Variants in GRK5 observed in about 807,000 individuals in gnomAD.
GRK5 encodes the protein G protein-coupled receptor kinase 5.
In GRK5, 40 loss-of-function variants were observed where a neutral mutation model predicts 78.4. The ratio of observed to expected loss-of-function variants is 0.51; its 90% CI spans 0.40 to 0.66. GRK5 has a LOEUF of 0.66. Ranked by LOEUF, GRK5 falls within the 30% of genes least tolerant of loss-of-function variation. The pLI, the probability that GRK5 is intolerant of heterozygous loss-of-function variation, is 0.00. For missense variants in GRK5, 598 were observed against 759.9 expected, an observed-to-expected ratio of 0.79 and a Z score of 2.50; for synonymous variants, 289 against 296.8, an observed-to-expected ratio of 0.97 and a Z score of 0.27.
At chr10:119,340,497 C>T (rs1012359181) in intron 2 of GRK5, among the ~76,000 whole-genome samples, 2 of 152,184 alleles carry the variant, frequency 1.3e-5, no homozygotes, top group Admixed American at 6.5e-5. Flanking sequence ...ATTTCCAAAA[C>T]AATTTTAAAA....
chr10:119,294,458 C>T (rs1264943448), intron 1 of GRK5, among the ~76,000 whole-genome samples: 3 of 152,184 alleles, frequency 2.0e-5, no homozygotes, highest in African/African-American at 7.2e-5. Flanking sequence ...CCTGACCCAA[C>T]CTGCCGCCAG....
chr10:119,211,374 TA>T (rs1848483887), intron 1 of GRK5: 3 of 152,226 alleles, frequency 2.0e-5, no homozygotes, highest in Admixed American at 2.0e-4. Flanking sequence ...GCAGGCGACC[TA>T]ATGTTGAAAT....
chr10:119,406,339 C>A, intron 4 of GRK5: 1 of 355,830 alleles, frequency 2.8e-6, no homozygotes, highest in Non-Finnish European at 3.9e-6. Flanking sequence ...GACTGGGAGT[C>A]AGGCTCATTC....
intron 1 of GRK5, among the ~76,000 whole-genome samples, chr10:119,218,895 G>A (rs1848618138): frequency 6.7e-6 from 1 of 150,218 alleles, no homozygotes; most frequent in African/African-American, 2.5e-5. Context: ...TCCAAAATCT[G>A]AAACTTTTTT....
Position 119,290,359 on chromosome 10 carries a change from AAAAAC to A in GRK5, c.53-36152_53-36148del, listed in dbSNP as rs1223237653. On this transcript the variant is annotated intron_variant, in intron 1 of 15. Transcript: ENST00000392870. ...GAGATTCCGTCTCAAAAAAAAAAAA[AAAAAC>A]AAAAAACAACTCTGTCCCCTTCTCC... is the stretch of plus-strand genomic sequence containing the variant. Among the ~76,000 whole-genome samples, 1,052 of 142,538 alleles carry A rather than the reference AAAAAC, an allele frequency of 7.4e-3. 19 individuals are homozygous for A. The highest frequency in any genetic ancestry group is 0.027 in the African/African-American group (980 of 36,850). The allele number at this position is 142,538 out of a possible 152,430, so 93.5% of individuals were successfully genotyped here. A position where few individuals can be genotyped will look rare whatever the true frequency, so the allele number is the denominator to read the frequency against.
At chr10:119,381,578 T>C (rs1453274443) in intron 3 of GRK5, among the ~76,000 whole-genome samples, 1 of 152,258 alleles carries the variant, frequency 6.6e-6, no homozygotes, top group Non-Finnish European at 1.5e-5. Context: ...ATTGATTGCA[T>C]GGGCTTTTAA....
chr10:119,268,624 T>C (rs917489120), intron 1 of GRK5, among the ~76,000 whole-genome samples: 15 of 152,198 alleles, frequency 9.9e-5, no homozygotes, highest in African/African-American at 3.6e-4. Context: ...ATGGGTACGA[T>C]AATAGGGTTG....
chr10:119,286,213 G>C (rs1849844560), intron 1 of GRK5, among the ~76,000 whole-genome samples: 1 of 152,150 alleles, frequency 6.6e-6, no homozygotes, highest in Admixed American at 6.5e-5. Context: ...TGAACACCCT[G>C]TACCCTGCAG....
chr10:119,328,189 G>A (rs559586374), intron 2 of GRK5, among the ~76,000 whole-genome samples: 11 of 152,348 alleles, frequency 7.2e-5, no homozygotes, highest in South Asian at 4.1e-4. Context: ...TGCCGTGGAT[G>A]CCGTGTGCAC....
At chr10:119,328,025 G>A (rs1850708710) in intron 2 of GRK5, among the ~76,000 whole-genome samples, 1 of 152,226 alleles carries the variant, frequency 6.6e-6, no homozygotes, top group South Asian at 2.1e-4. Flanking sequence ...TTCCCCAGCT[G>A]TAACACTGTC....
At chr10:119,366,321 G>A (rs1158489585) in intron 2 of GRK5, among the ~76,000 whole-genome samples, 1 of 152,142 alleles carries the variant, frequency 6.6e-6, no homozygotes, top group African/African-American at 2.4e-5. Flanking sequence ...CCTCATAAGT[G>A]TCCAGACTGT....
intron 1 of GRK5, among the ~76,000 whole-genome samples, chr10:119,307,864 A>T (rs557504287): frequency 3.3e-5 from 5 of 152,178 alleles, no homozygotes; most frequent in Admixed American, 2.6e-4. Context: ...CCATTTCACA[A>T]TTCAAGAAGC....
intron 3 of GRK5, among the ~76,000 whole-genome samples, chr10:119,394,452 TTA>T (rs1491533625): frequency 9.8e-4 from 1 of 1,020 alleles, no homozygotes; most frequent in African/African-American, 2.6e-3. Context: ...GTGTATCTGC[TTA>T]GTGGGCACGT....
At chr10:119,261,046 A>C (rs1450601286) in intron 1 of GRK5, among the ~76,000 whole-genome samples, 11 of 86,242 alleles carry the variant, frequency 1.3e-4, no homozygotes, top group Middle Eastern at 7.0e-3. Flanking sequence ...TGACCCCCCC[A>C]CCTCCCTCCC....
chr10:119,278,505 G>A (rs545473942), intron 1 of GRK5, among the ~76,000 whole-genome samples: 28 of 152,152 alleles, frequency 1.8e-4, no homozygotes, highest in African/African-American at 5.8e-4. Context: ...TGAAAGCTTC[G>A]ATGCCTCAGG....
At chr10:119,312,644 A>G (rs1033357142) in intron 1 of GRK5, among the ~76,000 whole-genome samples, 1 of 152,014 alleles carries the variant, frequency 6.6e-6, no homozygotes, top group African/African-American at 2.4e-5. Context: ...TAGAGGTGAG[A>G]GTGGGAGGAG....
At chr10:119,230,474 C>T (rs1165075323) in intron 1 of GRK5, among the ~76,000 whole-genome samples, 1 of 152,094 alleles carries the variant, frequency 6.6e-6, no homozygotes, top group African/African-American at 2.4e-5. Context: ...AGGATGGCAG[C>T]AGGCAAAGAG....
intron 2 of GRK5, among the ~76,000 whole-genome samples, chr10:119,350,012 G>A (rs944498500): frequency 3.3e-5 from 5 of 152,206 alleles, no homozygotes; most frequent in African/African-American, 4.8e-5. Context: ...AAATTGCCTC[G>A]GTCACCCACT....
At chr10:119,385,545 C>G (rs570078434) in intron 3 of GRK5, among the ~76,000 whole-genome samples, 1 of 152,280 alleles carries the variant, frequency 6.6e-6, no homozygotes, top group South Asian at 2.1e-4. Flanking sequence ...CAGGTGAGAG[C>G]AGCTGGTGGC....
Sources: gnomAD v4.1 joint callset for allele counts (sites outside exome capture counted in the v4.1 genomes callset) on GRCh38, gnomAD v4.1.1 for gene constraint, MANE v1.5 for transcripts, NCBI Gene and HGNC (gene_info 2026-07-23, HGNC 2026-07-21) for gene names.